NEK10: variants seen among roughly 807,000 people sequenced by gnomAD.
NEK10 encodes serine/threonine-protein kinase Nek10.
A neutral mutation model predicts 159.8 loss-of-function variants in NEK10; 122 were observed. That is an observed-to-expected ratio of 0.76 (90% CI 0.66 to 0.89). The LOEUF is 0.89. Ranked by LOEUF, NEK10 falls within the 40% of genes least tolerant of loss-of-function variation. NEK10 has a pLI of 0.00. For synonymous variants in NEK10, 466 were observed against 457.1 expected (o/e 1.02, Z -0.25); for missense variants, 1,342 against 1,323.1 (o/e 1.01, Z -0.22).
At chr3:27,221,579 T>C (rs1041172067) in intron 23 of NEK10, among the ~76,000 whole-genome samples, 3 of 152,234 alleles carry the variant, frequency 2.0e-5, no homozygotes, top group African/African-American at 7.2e-5. Flanking sequence ...AGAATTACCA[T>C]ATTGAGGAGT....
chr3:27,166,223 T>C (rs1482086890), intron 29 of NEK10, among the ~76,000 whole-genome samples: 1 of 152,214 alleles, frequency 6.6e-6, no homozygotes, highest in Non-Finnish European at 1.5e-5. Context: ...CCTATTTATC[T>C]ATAATGTTAA....
intron 30 of NEK10, among the ~76,000 whole-genome samples, chr3:27,155,097 A>C (rs541338262): frequency 6.6e-6 from 1 of 152,352 alleles, no homozygotes; most frequent in East Asian, 1.9e-4. Context: ...GCATTCAGCA[A>C]ATTTTCTAGA....
At chr3:27,136,289 T>C (rs956831070) in intron 31 of NEK10, among the ~76,000 whole-genome samples, 1 of 151,018 alleles carries the variant, frequency 6.6e-6, no homozygotes, top group Non-Finnish European at 1.5e-5. Flanking sequence ...ATTTTTTCTA[T>C]TTTTAGTAGA....
chr3:27,186,001 T>C (rs1388242242), intron 26 of NEK10, among the ~76,000 whole-genome samples: 1 of 152,188 alleles, frequency 6.6e-6, no homozygotes, highest in Admixed American at 6.5e-5. Context: ...GAGAGTGAAT[T>C]GAAGATGTCA....
At chr3:27,158,622 T>C (rs970077334) in intron 30 of NEK10, among the ~76,000 whole-genome samples, 5 of 152,208 alleles carry the variant, frequency 3.3e-5, no homozygotes, top group African/African-American at 1.2e-4. Context: ...CAAAATGCAG[T>C]GCATAAGAAC....
chr3:27,168,900 A>G (rs954626456), intron 29 of NEK10, among the ~76,000 whole-genome samples: 1 of 152,212 alleles, frequency 6.6e-6, no homozygotes, highest in Non-Finnish European at 1.5e-5. Flanking sequence ...TGATCTTCAG[A>G]TTAAACCTTG....
intron 23 of NEK10, among the ~76,000 whole-genome samples, chr3:27,248,420 G>A (rs1259249277): frequency 6.6e-6 from 1 of 151,488 alleles, no homozygotes; most frequent in Non-Finnish European, 1.5e-5. Context: ...ATTTGCTTTG[G>A]CTTCTCTAGT....
intron 23 of NEK10, among the ~76,000 whole-genome samples, chr3:27,212,411 G>A (rs1383275449): frequency 6.6e-6 from 1 of 152,174 alleles, no homozygotes; most frequent in African/African-American, 2.4e-5. Flanking sequence ...CAAAAGAAAT[G>A]TATTCCTCTT....
chr3:27,140,909 A>C (rs1943729002), intron 31 of NEK10, among the ~76,000 whole-genome samples: 1 of 152,226 alleles, frequency 6.6e-6, no homozygotes, highest in Non-Finnish European at 1.5e-5. Context: ...TTGTCTAAAA[A>C]AAAGATTTTA....
chr3:27,220,309 C>A (rs957816500), intron 23 of NEK10, among the ~76,000 whole-genome samples: 5 of 152,166 alleles, frequency 3.3e-5, no homozygotes, highest in African/African-American at 1.2e-4. Flanking sequence ...TATTTCCTTG[C>A]CTTTTTCCAG....
chr3:27,166,243 T>C (rs1187035634), intron 29 of NEK10, among the ~76,000 whole-genome samples: 2 of 152,212 alleles, frequency 1.3e-5, no homozygotes, highest in African/African-American at 4.8e-5. Context: ...ATAGAGTTGG[T>C]ATCATGACAA....
Position 27,290,724 on chromosome 3 carries a change from CT to C in NEK10, c.1635del (p.Ala546GlnfsTer2). ...KVRKHSGQNL[L>X]AMKEVNLHNP... ...TTATGTAAATTGACCTCTTTCATTG[CT>C]AAAAGATTTTGACCACTATGCTTTC... is the stretch of plus-strand genomic sequence containing the variant. On this transcript the variant is annotated frameshift_variant, in exon 19 of 36. Transcript: ENST00000691995. LOFTEE classifies it high-confidence loss of function. 1 of 1,608,150 alleles carries C rather than the reference CT, an allele frequency of 6.2e-7. No homozygotes were observed. The highest frequency in any genetic ancestry group is 1.1e-5 in the South Asian group (1 of 90,266).
At chr3:27,175,724 G>A (rs1256747137) in intron 26 of NEK10, among the ~76,000 whole-genome samples, 1 of 152,166 alleles carries the variant, frequency 6.6e-6, no homozygotes, top group Non-Finnish European at 1.5e-5. Flanking sequence ...GCTAAACAGT[G>A]CTGGCAAAGT....
At chr3:27,130,542 G>C (rs1364340797) in intron 32 of NEK10, among the ~76,000 whole-genome samples, 1 of 152,046 alleles carries the variant, frequency 6.6e-6, no homozygotes, top group African/African-American at 2.4e-5. Flanking sequence ...TCACTCAGTG[G>C]GAGTTGAAGC....
intron 26 of NEK10, among the ~76,000 whole-genome samples, chr3:27,178,305 T>C (rs1201072035): frequency 1.3e-5 from 2 of 152,196 alleles, no homozygotes; most frequent in African/African-American, 4.8e-5. Context: ...ATCTATTTTA[T>C]TAAAATCAGT....
intron 25 of NEK10, among the ~76,000 whole-genome samples, chr3:27,193,501 C>T (rs1949292988): frequency 6.6e-6 from 1 of 152,130 alleles, no homozygotes; most frequent in African/African-American, 2.4e-5. Context: ...TCTTTCCCCT[C>T]CTCCAGCAAC....
At chr3:27,290,544 G>A (rs2042924439) in intron 19 of NEK10, 73 bp downstream of exon 19, 1 of 1,097,504 alleles carries the variant, frequency 9.1e-7, no homozygotes, top group Non-Finnish European at 1.3e-6. Context: ...ATGGACAAGA[G>A]CACCACAACT....
Position 27,227,791 on chromosome 3 carries a change from C to A in NEK10, c.2091-25234G>T, listed in dbSNP as rs889969778. ...TAATAAAAATGTTTTTCTAATTGTA[C>A]ATAAACAGTAGAAGGTCCCTGTTGA... On this transcript the variant is annotated intron_variant, in intron 23 of 35. Coordinates refer to ENST00000691995, the MANE Select transcript of NEK10 (RefSeq NM_001394966.1). Among the ~76,000 whole-genome samples, 8 of 152,202 alleles carry A rather than the reference C, an allele frequency of 5.3e-5. No individual in the cohort carries two copies. The East Asian group carries it at 1.5e-3, about 29-fold the overall frequency.
intron 22 of NEK10, among the ~76,000 whole-genome samples, chr3:27,273,495 G>C (rs1251532190): frequency 1.3e-5 from 2 of 152,150 alleles, no homozygotes; most frequent in African/African-American, 4.8e-5. Flanking sequence ...AAAGGCATCA[G>C]AGTATTGAAT....
Sources: gnomAD v4.1 joint callset for allele counts (sites outside exome capture counted in the v4.1 genomes callset) on GRCh38, gnomAD v4.1.1 for gene constraint, MANE v1.5 for transcripts, NCBI Gene and HGNC (gene_info 2026-07-23, HGNC 2026-07-21) for gene names.